CLIP1: variants seen among roughly 807,000 people sequenced by gnomAD.
CLIP1 encodes the protein CAP-Gly domain-containing linker protein 1.
In CLIP1, 66 loss-of-function variants were observed where a neutral mutation model predicts 161.6. The ratio of observed to expected loss-of-function variants is 0.41; its 90% CI spans 0.33 to 0.50. The LOEUF is 0.50. Ranked by LOEUF, CLIP1 falls within the 20% of genes least tolerant of loss-of-function variation. CLIP1 has a pLI of 0.27. For missense variants in CLIP1, 1,376 were observed against 1,702.0 expected, an observed-to-expected ratio of 0.81 and a Z score of 3.37; for synonymous variants, 598 against 626.2, an observed-to-expected ratio of 0.96 and a Z score of 0.67.
intron 17 of CLIP1, chr12:122,322,193 T>C (rs1239380930): frequency 2.0e-5 from 3 of 152,672 alleles, no homozygotes; most frequent in African/African-American, 7.2e-5. Flanking sequence ...ACGGTTTTCA[T>C]TTTGAGATTC....
At chr12:122,334,224 G>A in intron 13 of CLIP1, 114 bp from the exon 14 acceptor site, 1 of 684,094 alleles carries the variant, frequency 1.5e-6, no homozygotes, top group South Asian at 1.8e-5. Context: ...GAGAACACAG[G>A]AATACTAAAA....
chr12:122,311,439 T>TG lies in CLIP1; in HGVS notation c.3474-1558_3474-1557insC, dbSNP rs1472800122. 6.6e-6 allele frequency among the ~76,000 whole-genome samples: 1 copy of TG among 151,936 alleles called. No homozygotes were observed. Among genetic ancestry groups the TG allele is most frequent in the Non-Finnish European group, 1.5e-5 (1 of 67,984 alleles). Reference sequence around the variant, plus strand: ...ATTATTATTATTATTATTTTTTTTTTTTTGAGACAGAGTCTCGCTCTGTCG... The same window carrying TG: ...ATTATTATTATTATTATTTTTTTTTTGTTTGAGACAGAGTCTCGCTCTGTCG... On this transcript the variant is annotated intron_variant, in intron 19 of 25. Transcript: ENST00000620786. The surrounding 1 kb of genome is among the most constrained non-coding windows in gnomAD (Gnocchi z 4.3).
chr12:122,346,842 G>C (rs1049188737), intron 10 of CLIP1, among the ~76,000 whole-genome samples: 2 of 152,178 alleles, frequency 1.3e-5, no homozygotes, highest in Non-Finnish European at 2.9e-5. Context: ...AGGAAGGAGG[G>C]AGATGCAGAG....
intron 1 of CLIP1, among the ~76,000 whole-genome samples, chr12:122,398,702 T>TAAA (rs574806649): frequency 6.8e-6 from 1 of 146,296 alleles, no homozygotes; most frequent in African/African-American, 2.5e-5. Context: ...ACCCCATCTC[T>TAAA]AAAAAAAAAA....
chr12:122,340,266 G>C (rs1486768779), intron 11 of CLIP1, among the ~76,000 whole-genome samples: 1 of 152,024 alleles, frequency 6.6e-6, no homozygotes, highest in African/African-American at 2.4e-5. Context: ...TTTTAGTAGA[G>C]ATGGGGTTTC....
chr12:122,372,281 G>A (rs185430118), intron 3 of CLIP1, among the ~76,000 whole-genome samples: 63 of 152,262 alleles, frequency 4.1e-4, no homozygotes, highest in Non-Finnish European at 7.8e-4. Context: ...TTAGCCAGGC[G>A]TGGTGGCACA....
chr12:122,327,029 C>A (rs1484550617), intron 17 of CLIP1, among the ~76,000 whole-genome samples: 1 of 152,160 alleles, frequency 6.6e-6, no homozygotes, highest in Non-Finnish European at 1.5e-5. Context: ...TTTATCATTT[C>A]TTTCTACTAA....
intron 24 of CLIP1, chr12:122,277,933 G>A (rs1049170318): frequency 3.8e-6 from 2 of 522,970 alleles, no homozygotes; most frequent in South Asian, 5.3e-5. Context: ...GTAATTAACT[G>A]TTTGCAGGGT....
intron 1 of CLIP1, among the ~76,000 whole-genome samples, chr12:122,388,280 C>G (rs1370250742): frequency 1.3e-5 from 2 of 151,122 alleles, no homozygotes; most frequent in African/African-American, 2.4e-5. Context: ...AGCGCAGTGG[C>G]GCGATCTCGG....
intron 23 of CLIP1, 45 bp from the exon 24 acceptor site, chr12:122,278,248 A>G: frequency 6.8e-7 from 1 of 1,476,946 alleles, no homozygotes; most frequent in African/African-American, 1.4e-5. Context: ...GAGGGAGAAT[A>G]TATGTATATT....
At chr12:122,330,170 T>A (rs1951883042) in intron 15 of CLIP1, among the ~76,000 whole-genome samples, 1 of 151,988 alleles carries the variant, frequency 6.6e-6, no homozygotes. Flanking sequence ...AAACAGACTA[T>A]TAGATGAATC....
chr12:122,376,307 C>T (rs1017460130), intron 3 of CLIP1, among the ~76,000 whole-genome samples: 1 of 152,074 alleles, frequency 6.6e-6, no homozygotes, highest in Non-Finnish European at 1.5e-5. Context: ...CCCACCTTGG[C>T]CTCCCAAAAT....
At chr12:122,369,122 G>C (rs1369723711) in intron 3 of CLIP1, among the ~76,000 whole-genome samples, 1 of 151,638 alleles carries the variant, frequency 6.6e-6, no homozygotes, top group Non-Finnish European at 1.5e-5. Context: ...GGGTTCCAGA[G>C]ATTTTCCTGC....
intron 17 of CLIP1, among the ~76,000 whole-genome samples, chr12:122,324,732 C>A (rs1479147169): frequency 6.6e-6 from 1 of 151,976 alleles, no homozygotes; most frequent in Non-Finnish European, 1.5e-5. Flanking sequence ...ACTTTGAAAG[C>A]AGAAAGGATT....
intron 5 of CLIP1, among the ~76,000 whole-genome samples, chr12:122,357,174 G>A (rs61954415): frequency 4.7e-5 from 7 of 149,054 alleles, no homozygotes; most frequent in Non-Finnish European, 4.5e-5. Context: ...CCCGGCCGCC[G>A]TCCCATCTAG....
chr12:122,288,951 G>A (rs1457491576), intron 20 of CLIP1, among the ~76,000 whole-genome samples: 1 of 149,572 alleles, frequency 6.7e-6, no homozygotes, highest in Non-Finnish European at 1.5e-5. Flanking sequence ...GAGTAGCTGG[G>A]ACTACAGGCG....
At chr12:122,384,705 G>T (rs992086979) in intron 1 of CLIP1, among the ~76,000 whole-genome samples, 2 of 151,752 alleles carry the variant, frequency 1.3e-5, no homozygotes, top group African/African-American at 4.8e-5. Context: ...AGGTTACAGT[G>T]GGCCGAGATC....
Position 122,328,384 on chromosome 12 carries a change from T to G in CLIP1, c.2910A>C (p.Glu970Asp), listed in dbSNP as rs774375536. The G allele has an allele frequency of 3.7e-6, 6 of 1,612,202 alleles. No individual in the cohort carries two copies. The East Asian group carries it at 1.3e-4, about 36-fold the overall frequency. Reference sequence around the variant, plus strand: ...TACTTTTTTGCAGAAAACTTGCATTTTCATTAGCCTTTGTAAGTTTTAGCT... The same window carrying G: ...TACTTTTTTGCAGAAAACTTGCATTGTCATTAGCCTTTGTAAGTTTTAGCT... ...ELQLKLTKAN[E>D]NASFLQKSIE... Residue 970 changes from glutamate to aspartate, a missense_variant, in exon 16 of 26, where the codon GAA becomes GAC. By Grantham distance (45) the Glu-to-Asp change is conservative. This residue lies in a region of CLIP1 where 948 missense variants were observed against 1,134.8 expected (regional missense o/e 0.84). Coordinates refer to ENST00000620786, the MANE Select transcript of CLIP1 (RefSeq NM_001247997.2).
At chr12:122,345,156 G>T (rs550622630) in intron 10 of CLIP1, among the ~76,000 whole-genome samples, 4 of 151,060 alleles carry the variant, frequency 2.6e-5, no homozygotes, top group African/African-American at 9.7e-5. Flanking sequence ...AGTTAATGAG[G>T]AAACAGCACC....
Sources: allele counts gnomAD v4.1 joint callset (sites outside exome capture counted in the v4.1 genomes callset), GRCh38; gene constraint gnomAD v4.1.1; regional missense constraint gnomAD v4.1.1; non-coding constraint Gnocchi (gnomAD v3.1); transcripts MANE v1.5; gene names NCBI Gene and HGNC (gene_info 2026-07-23, HGNC 2026-07-21).